Variants in LRBA observed in about 807,000 individuals in gnomAD.
LRBA encodes LPS responsive beige-like anchor protein.
In LRBA, 176 loss-of-function variants were observed where a neutral mutation model predicts 330.0. The ratio of observed to expected loss-of-function variants is 0.53; its 90% CI spans 0.47 to 0.60. LRBA has a LOEUF of 0.60. LRBA is among the 20% of genes least tolerant of loss of function. The probability of loss-of-function intolerance (pLI) is 0.00; values close to 1 mark genes in which losing one functional copy is unlikely to be tolerated. For synonymous variants in LRBA, 1,230 were observed against 1,193.0 expected (o/e 1.03, Z -0.64); for missense variants, 3,259 against 3,444.8 (o/e 0.95, Z 1.35).
At chr4:150,361,772 C>CT (rs568876677) in intron 47 of LRBA, among the ~76,000 whole-genome samples, 78,374 of 139,670 alleles carry the variant, frequency 0.56, 22,226 homozygotes, top group East Asian at 0.75. Flanking sequence ...CATCATACTA[C>CT]TTTTTTTTTT....
At chr4:150,674,265 G>A (rs1306212110) in intron 37 of LRBA, among the ~76,000 whole-genome samples, 1 of 151,658 alleles carries the variant, frequency 6.6e-6, no homozygotes, top group South Asian at 2.1e-4. Context: ...AAAAGAGTAG[G>A]GAAAGGAAAG....
At chr4:150,476,299 T>C (rs375935592) in intron 42 of LRBA, among the ~76,000 whole-genome samples, 28 of 152,286 alleles carry the variant, frequency 1.8e-4, no homozygotes, top group East Asian at 7.7e-4. Context: ...ATACCTCTGT[T>C]GGATATAAGC....
At chr4:150,736,619 CTAAT>C (rs1474356704) in intron 35 of LRBA, among the ~76,000 whole-genome samples, 1 of 151,896 alleles carries the variant, frequency 6.6e-6, no homozygotes, top group Non-Finnish European at 1.5e-5. Flanking sequence ...GTAAAAGAAT[CTAAT>C]GTAAGTGTAT....
At chr4:150,452,544 C>T (rs1384647699) in intron 44 of LRBA, among the ~76,000 whole-genome samples, 1 of 151,696 alleles carries the variant, frequency 6.6e-6, no homozygotes, top group Non-Finnish European at 1.5e-5. Flanking sequence ...ATCGCTTGAA[C>T]CCGGGAGGCA....
intron 40 of LRBA, among the ~76,000 whole-genome samples, chr4:150,547,402 T>C (rs1468808283): frequency 3.9e-5 from 6 of 152,060 alleles, no homozygotes; most frequent in Non-Finnish European, 7.4e-5. Flanking sequence ...GTGAAGAAAA[T>C]TGAAGAGACA....
intron 2 of LRBA, among the ~76,000 whole-genome samples, chr4:150,962,759 G>C (rs991315551): frequency 2.0e-5 from 3 of 148,638 alleles, no homozygotes; most frequent in Non-Finnish European, 4.4e-5. Flanking sequence ...TTCGACACCA[G>C]CCTGACCAAC....
chr4:150,420,449 A>T (rs1230072878), intron 46 of LRBA, among the ~76,000 whole-genome samples: 1 of 93,930 alleles, frequency 1.1e-5, no homozygotes, highest in Non-Finnish European at 2.1e-5. Flanking sequence ...ATACATATAT[A>T]ATATATAAAG....
chr4:150,747,633 T>C (rs889816358), intron 35 of LRBA, among the ~76,000 whole-genome samples: 1 of 152,228 alleles, frequency 6.6e-6, no homozygotes, highest in Non-Finnish European at 1.5e-5. Context: ...GTGAAAAGGT[T>C]CTTAAGGTTC....
chr4:150,761,411 G>A (rs1026402068), intron 35 of LRBA, among the ~76,000 whole-genome samples: 5 of 151,832 alleles, frequency 3.3e-5, no homozygotes, highest in South Asian at 2.1e-4. Flanking sequence ...TATGATCAGC[G>A]TGTGATATAA....
At chr4:150,282,200 T>C (rs1021288602) in intron 55 of LRBA, among the ~76,000 whole-genome samples, 3 of 152,180 alleles carry the variant, frequency 2.0e-5, no homozygotes, top group Admixed American at 6.5e-5. Context: ...CAGAAGCCCC[T>C]AAGAAAACCT....
intron 46 of LRBA, among the ~76,000 whole-genome samples, chr4:150,419,305 A>T (rs1748242480): frequency 6.6e-6 from 1 of 152,170 alleles, no homozygotes. Context: ...TTCTAACAGT[A>T]ACTTGGTATA....
At chr4:150,824,022 A>G (rs1026139833) in intron 30 of LRBA, among the ~76,000 whole-genome samples, 2 of 152,184 alleles carry the variant, frequency 1.3e-5, no homozygotes, top group Non-Finnish European at 2.9e-5. Flanking sequence ...TGCTTTGGGT[A>G]GCATGAACAT....
At chr4:150,315,493 T>A (rs988708852) in intron 51 of LRBA, 68 bp downstream of exon 51, 1 of 1,299,970 alleles carries the variant, frequency 7.7e-7, no homozygotes, top group Non-Finnish European at 1.1e-6. Context: ...GAAAAACAAC[T>A]GTAATCTACA....
intron 36 of LRBA, among the ~76,000 whole-genome samples, chr4:150,727,435 G>A (rs567235260): frequency 6.6e-6 from 1 of 152,042 alleles, no homozygotes; most frequent in African/African-American, 2.4e-5. Flanking sequence ...CTCAGCACAT[G>A]GGTCATTCTC....
chr4:150,746,507 C>CTT (rs923454215), intron 35 of LRBA, among the ~76,000 whole-genome samples: 81 of 136,498 alleles, frequency 5.9e-4, no homozygotes, highest in East Asian at 1.2e-3. Context: ...GTTTCTCTTA[C>CTT]TTTTTTTTTT....
chr4:150,828,678 TA>T, intron 29 of LRBA, 57 bp from the exon 30 acceptor site: 1 of 1,424,956 alleles, frequency 7.0e-7, no homozygotes, highest in South Asian at 1.3e-5. Context: ...AACTAATTTT[TA>T]AAAGGTATAT....
At chr4:150,818,234 T>C (rs192181653) in intron 30 of LRBA, among the ~76,000 whole-genome samples, 1 of 152,186 alleles carries the variant, frequency 6.6e-6, no homozygotes, top group East Asian at 1.9e-4. Flanking sequence ...TTTGTAGTTA[T>C]TTTTAAAAAC....
At chr4:150,274,060 T>C (rs1475109140) in intron 56 of LRBA, among the ~76,000 whole-genome samples, 1 of 152,158 alleles carries the variant, frequency 6.6e-6, no homozygotes, top group Non-Finnish European at 1.5e-5. Flanking sequence ...TAATTGAAAG[T>C]AAAACACTCC....
At chr4:150,500,904 C>G (rs1044113045) in intron 40 of LRBA, among the ~76,000 whole-genome samples, 1 of 152,134 alleles carries the variant, frequency 6.6e-6, no homozygotes, top group Non-Finnish European at 1.5e-5. Context: ...GAGGGAAATA[C>G]TTTTCTACTT....
Sources: allele counts gnomAD v4.1 joint callset (sites outside exome capture counted in the v4.1 genomes callset), GRCh38; gene constraint gnomAD v4.1.1; transcripts MANE v1.5; gene names NCBI Gene and HGNC (gene_info 2026-07-23, HGNC 2026-07-21).